The following EFL1 variants were observed in gnomAD, a reference collection of about 807,000 sequenced individuals.
EFL1 encodes elongation factor-like GTPase 1.
Under a neutral mutation model 126.7 loss-of-function variants are expected in EFL1, and 76 were observed. The ratio of observed to expected loss-of-function variants is 0.60; its 90% confidence interval spans 0.50 to 0.73. The LOEUF (loss-of-function observed/expected upper bound fraction) is 0.73. Among genes scored for constraint, EFL1 ranks in the 30% least tolerant of loss-of-function variants. The pLI is 0.00. For missense variants in EFL1, 1,128 were observed against 1,343.2 expected (o/e 0.84, Z 2.50); for synonymous variants, 410 against 448.4 (o/e 0.91, Z 1.08).
chr15:82,190,226 C>G (rs192097038), intron 15 of EFL1, among the ~76,000 whole-genome samples: 1 of 152,064 alleles, frequency 6.6e-6, no homozygotes, highest in Non-Finnish European at 1.5e-5. Flanking sequence ...TTCCTCACTG[C>G]GTTGTTTTAA....
chr15:82,154,213 G>T (rs554273471), intron 17 of EFL1, among the ~76,000 whole-genome samples: 1 of 152,182 alleles, frequency 6.6e-6, no homozygotes, highest in Non-Finnish European at 1.5e-5. Context: ...TAGCAATGCA[G>T]AGCCTGTGAT....
chr15:82,225,257 C>T lies in EFL1; in HGVS notation c.1200G>A (p.Met400Ile). ...PETQALKAAF[M>I]KCGSEDTAPV... ...GAGCAGTGTCCTCACTTCCACATTT[C>T]ATAAAAGCTAAACAAATAGGAAGTA... The change falls in exon 12 of 20, where the codon ATG (methionine) becomes ATA (isoleucine). Residue 400 changes from methionine (M) to isoleucine (I), a missense_variant. By Grantham distance (10) the Met-to-Ile change is conservative. Around this residue, in one of 6 missense-constraint regions of EFL1, gnomAD observed 316 missense variants for 318.5 expected, o/e 0.99. Coordinates refer to ENST00000268206, the MANE Select transcript of EFL1 (RefSeq NM_024580.6). 1 of 1,594,092 alleles carries T rather than the reference C, an allele frequency of 6.3e-7. No individual in the cohort carries two copies. The highest frequency in any genetic ancestry group is 1.4e-5 in the African/African-American group (1 of 73,820).
chr15:82,258,800 T>A (rs1294925265), intron 3 of EFL1, among the ~76,000 whole-genome samples: 3 of 152,200 alleles, frequency 2.0e-5, no homozygotes, highest in Admixed American at 2.0e-4. Context: ...ACCACTCAAC[T>A]CATTCACCTA....
At chr15:82,186,546 T>G (rs1379401535) in intron 15 of EFL1, among the ~76,000 whole-genome samples, 5 of 152,076 alleles carry the variant, frequency 3.3e-5, no homozygotes. Flanking sequence ...GGCTAGCCAC[T>G]TTTTTTTGCT....
chr15:82,262,311 T>C lies in EFL1; in HGVS notation c.-20+303A>G, dbSNP rs796672823. 6.4e-5 allele frequency: 10 copies of C among 155,190 alleles called. 1 individual carries two copies. Among genetic ancestry groups the C allele is most frequent in the African/African-American group, 2.4e-4 (10 of 41,618 alleles). 9.6% of individuals were successfully genotyped at this position (155,190 alleles called of 1,614,324 possible). A position where few individuals can be genotyped will look rare whatever the true frequency, so the allele number is the denominator to read the frequency against. ...AACAAAGTTTTGGGTCACGTGCTTA[T>C]TATCCAAGCAGGTGCACTGCCGGTC... On this transcript the variant is annotated intron_variant, in intron 1 of 19. Coordinates refer to ENST00000268206, the MANE Select transcript of EFL1 (RefSeq NM_024580.6).
chr15:82,169,192 C>T (rs2074108725), intron 15 of EFL1, among the ~76,000 whole-genome samples: 1 of 152,038 alleles, frequency 6.6e-6, no homozygotes, highest in South Asian at 2.1e-4. Flanking sequence ...GAGTAGAATG[C>T]CTGAGTGGGG....
At chr15:82,152,558 G>T (rs1595945155) in intron 17 of EFL1, 135 bp from the exon 18 acceptor site, 2 of 788,098 alleles carry the variant, frequency 2.5e-6, no homozygotes, top group African/African-American at 1.8e-5. Flanking sequence ...TGAAAGATCT[G>T]CAATTTACAT....
intron 1 of EFL1, chr15:82,262,046 C>G (rs2075128295): frequency 1.4e-5 from 5 of 366,054 alleles, no homozygotes; most frequent in Non-Finnish European, 2.5e-5. Context: ...ATGAATCACG[C>G]AGCTCGAGGG....
At chr15:82,146,999 T>A (rs1041889000) in intron 18 of EFL1, among the ~76,000 whole-genome samples, 1 of 152,082 alleles carries the variant, frequency 6.6e-6, no homozygotes, top group Non-Finnish European at 1.5e-5. Context: ...TTTGAGGTAT[T>A]ATCCTAGGGT....
chr15:82,246,366 A>C (rs534422848), intron 4 of EFL1, among the ~76,000 whole-genome samples: 1 of 152,236 alleles, frequency 6.6e-6, no homozygotes, highest in East Asian at 1.9e-4. Flanking sequence ...TACTTCTTAT[A>C]ATCTCTCTAT....
At chr15:82,157,998 T>A in intron 16 of EFL1, 138 bp from the exon 17 acceptor site, 1 of 1,030,232 alleles carries the variant, frequency 9.7e-7, no homozygotes, top group Non-Finnish European at 1.3e-6. Flanking sequence ...CCAGATAGTG[T>A]AGTGATGTGA....
chr15:82,144,274 GGAA>G (rs2073819899), intron 18 of EFL1, among the ~76,000 whole-genome samples: 1 of 135,256 alleles, frequency 7.4e-6, no homozygotes, highest in African/African-American at 2.7e-5. Context: ...AAAAAAAAAA[GGAA>G]GGTCATGCTG....
intron 15 of EFL1, among the ~76,000 whole-genome samples, chr15:82,194,726 C>T (rs1567058472): frequency 1.3e-5 from 2 of 152,160 alleles, no homozygotes; most frequent in Admixed American, 1.3e-4. Flanking sequence ...CAGCAACCCA[C>T]GTTGTAAGGC....
At chr15:82,261,921 T>A in intron 1 of EFL1, 124 bp from the exon 2 acceptor site, 1 of 643,560 alleles carries the variant, frequency 1.6e-6, no homozygotes, top group South Asian at 2.0e-5. Flanking sequence ...ACCCAGTGAA[T>A]GTTTATTGAT....
intron 15 of EFL1, among the ~76,000 whole-genome samples, chr15:82,164,723 C>T (rs1219342004): frequency 6.6e-6 from 1 of 151,672 alleles, no homozygotes; most frequent in Non-Finnish European, 1.5e-5. Context: ...CGGTGAAACC[C>T]CGTCTCTACT....
Position 82,152,162 on chromosome 15 carries a change from C to G in EFL1, c.2292G>C (p.Gln764His), listed in dbSNP as rs746703247. 6.2e-7 allele frequency: 1 copy of G among 1,614,138 alleles called. No individual in the cohort carries two copies. The highest frequency in any genetic ancestry group is 1.1e-5 in the South Asian group (1 of 91,074). ...TCAAATCACTATTTTCTTCCAGAATCTGGGTGACTTCTTCTGGAAGGGGCA... is the reference window on the plus strand; with the variant it reads ...TCAAATCACTATTTTCTTCCAGAATGTGGGTGACTTCTTCTGGAAGGGGCA... ...RAMPLPEEVT[Q>H]ILEENSDLIR... The change falls in exon 18 of 20, where the codon CAG becomes CAC. Residue 764 changes from glutamine (Q) to histidine (H), a missense_variant. Physicochemically the swap from Gln to His is conservative, Grantham distance 24. Transcript: ENST00000268206.
chr15:82,229,088 A>T lies in EFL1; in HGVS notation c.878T>A (p.Phe293Tyr), dbSNP rs745994399. Residue 293 changes from phenylalanine to tyrosine, a missense_variant, in exon 9 of 20, where the codon TTT (phenylalanine) becomes TAT (tyrosine). Physicochemically the swap from Phe to Tyr is conservative, Grantham distance 22 (BLOSUM62 3). Around this residue, in one of 6 missense-constraint regions of EFL1, gnomAD observed 316 missense variants for 318.5 expected, o/e 0.99. Transcript: ENST00000268206. ...TATATTTTCCAGGATCAACTGTACA[A>T]ATAAAGGTTTCTTTCCTTTGGCCTG... ...GDQAKGKKPL[F>Y]VQLILENIWS... 1.9e-6 allele frequency: 3 copies of T among 1,611,440 alleles called. No individual in the cohort carries two copies. The highest frequency in any genetic ancestry group is 2.5e-6 in the Non-Finnish European group (3 of 1,179,490).
chr15:82,192,432 T>A lies in EFL1; in HGVS notation c.1750+22285A>T, dbSNP rs1336795976. Among the ~76,000 whole-genome samples, 107 of 147,542 alleles carry A rather than the reference T, an allele frequency of 7.3e-4. 1 individual carries two copies. In the South Asian group the frequency reaches 8.9e-3, roughly 12 times the overall value. ...AAAAAAAAAAAGAGTAAAAATACAG[T>A]AAGTAAAATGAGGTGTTTTGAAAAC... On this transcript the variant is annotated intron_variant, in intron 15 of 19. Coordinates refer to ENST00000268206, the MANE Select transcript of EFL1 (RefSeq NM_024580.6).
In EFL1 at chr15:82,130,577, G is replaced by A. The variant is rs979030623; in HGVS notation, c.3175-16C>T. The A allele has an allele frequency of 5.6e-6, 9 of 1,612,934 alleles. No individual in the cohort carries two copies. The highest frequency in any genetic ancestry group is 7.6e-6 in the Non-Finnish European group (9 of 1,179,340). On this transcript the variant is annotated splice_polypyrimidine_tract_variant and intron_variant, in intron 19 of 19. Transcript: ENST00000268206. ...TGGGAATGATCTTGTAAAAGAAGAT[G>A]ACAGAATGTGCAAGGTTAGGCATTT... is the stretch of plus-strand genomic sequence containing the variant.
Sources: gnomAD v4.1 joint callset for allele counts (sites outside exome capture counted in the v4.1 genomes callset) on GRCh38, gnomAD v4.1.1 for gene constraint, gnomAD v4.1.1 regional missense constraint, MANE v1.5 for transcripts, NCBI Gene and HGNC (gene_info 2026-07-23, HGNC 2026-07-21) for gene names.